Variants in POLB observed in about 807,000 individuals in gnomAD.
POLB encodes DNA polymerase beta.
In POLB, 37 loss-of-function variants were observed where a neutral mutation model predicts 52.7. That is an observed-to-expected ratio of 0.70 (90% CI 0.54 to 0.92). The LOEUF (loss-of-function observed/expected upper bound fraction) is 0.92. POLB is among the 40% of genes least tolerant of loss of function. POLB has a pLI of 0.00. For synonymous variants in POLB, 138 were observed against 131.3 expected, an observed-to-expected ratio of 1.05 and a Z score of -0.35; for missense variants, 313 against 400.8, an observed-to-expected ratio of 0.78 and a Z score of 1.87.
chr8:42,350,004 A>G lies in POLB; in HGVS notation c.262-3A>G. 6.2e-7 allele frequency: 1 copy of G among 1,600,110 alleles called. No homozygotes were observed. The highest frequency in any genetic ancestry group is 8.6e-7 in the Non-Finnish European group (1 of 1,167,870). ...CATTGTTAGACTTTTTTTTTTCTTA[A>G]AGATTCGGCAGGATGATACGAGTTC... On this transcript the variant is annotated splice_region_variant and splice_polypyrimidine_tract_variant and intron_variant, in intron 4 of 13. Transcript: ENST00000265421.
At chr8:42,359,804 T>C (rs1823563325) in intron 9 of POLB, among the ~76,000 whole-genome samples, 1 of 152,018 alleles carries the variant, frequency 6.6e-6, no homozygotes, top group African/African-American at 2.4e-5. Context: ...TTTTTTTTAA[T>C]AAAGTGAAAC....
intron 9 of POLB, 154 bp downstream of exon 9, chr8:42,357,546 G>A: frequency 2.0e-6 from 1 of 504,412 alleles, no homozygotes; most frequent in Non-Finnish European, 3.5e-6. Context: ...TTATAGATGG[G>A]AATATGTAAC....
chr8:42,349,664 A>G (rs1369303150), intron 4 of POLB, among the ~76,000 whole-genome samples: 2 of 152,230 alleles, frequency 1.3e-5, no homozygotes, highest in Non-Finnish European at 2.9e-5. Flanking sequence ...CTGGGATTAC[A>G]GGCATGAGCC....
intron 3 of POLB, 112 bp from the exon 4 acceptor site, chr8:42,348,904 C>T (rs1270757519): frequency 5.3e-6 from 3 of 563,520 alleles, no homozygotes; most frequent in Non-Finnish European, 6.3e-6. Flanking sequence ...TTATTTCAAA[C>T]CTTATCACAT....
chr8:42,355,646 A>G (rs1383788648), intron 7 of POLB, 79 bp downstream of exon 7: 2 of 811,648 alleles, frequency 2.5e-6, no homozygotes, highest in Non-Finnish European at 2.1e-6. Flanking sequence ...CACCAGAAGG[A>G]CTCTTCAAAC....
rs545055677 is a variant in POLB, at chr8:42,352,363, C to T, written c.321-156C>T. Among the ~76,000 whole-genome samples the T allele has an allele frequency of 3.9e-5, 6 of 152,304 alleles. No homozygotes were observed. The South Asian group carries it at 8.3e-4, about 21-fold the overall frequency. ...CCTAATGATTGAAGCTTCAATAATT[C>T]GTACTTCGGATACAGTTGAACATTA... On this transcript the variant is annotated intron_variant, in intron 5 of 13. Transcript: ENST00000265421.
chr8:42,343,253 C>T (rs547575019), intron 2 of POLB, among the ~76,000 whole-genome samples: 14 of 136,648 alleles, frequency 1.0e-4, no homozygotes, highest in Non-Finnish European at 1.8e-4. Flanking sequence ...ACCCGGGAGG[C>T]GGAGCTTGCA....
chr8:42,367,964 G>C (rs3136792), intron 11 of POLB, among the ~76,000 whole-genome samples: 1 of 152,176 alleles, frequency 6.6e-6, no homozygotes, highest in Admixed American at 6.5e-5. Context: ...CCGAGGAAAT[G>C]AAAGAGGTTT....
intron 7 of POLB, 40 bp from the exon 8 acceptor site, chr8:42,357,129 T>A (rs1179403496): frequency 1.3e-5 from 14 of 1,116,550 alleles, no homozygotes; most frequent in Non-Finnish European, 1.3e-6. Context: ...GAGATTTAAA[T>A]TTTACGAAAA....
intron 1 of POLB, 117 bp downstream of exon 1, chr8:42,338,802 G>C: frequency 8.9e-7 from 1 of 1,122,590 alleles, no homozygotes; most frequent in East Asian, 2.4e-5. Context: ...GCAGCGGGTC[G>C]TCTTCCGTGG....
Position 42,362,697 on chromosome 8 carries a change from T to C in POLB, c.707T>C (p.Met236Thr), listed in dbSNP as rs149882093. 6.4e-6 allele frequency: 10 copies of C among 1,572,040 alleles called. No homozygotes were observed. The East Asian group carries it at 2.0e-4, about 32-fold the overall frequency. Residue 236 changes from methionine (M) to threonine (T), a missense_variant and splice_region_variant, in exon 11 of 14, where the codon ATG becomes ACG. Met to Thr is a moderately conservative substitution (Grantham distance 81, BLOSUM62 -1). Transcript: ENST00000265421. Reference protein sequence around the residue: ...DTLSKGETKFMGVCQLPSKND... With the variant: ...DTLSKGETKFTGVCQLPSKND... ...CTGTCAAAGGGTGAGACAAAGTTCA[T>C]GGTAAGTACTTGTTAGAGTTAGCAC...
chr8:42,354,457 T>C (rs1823174744), intron 6 of POLB: 2 of 1,284,796 alleles, frequency 1.6e-6, no homozygotes. Context: ...GACACCTGAA[T>C]GGAACTGAGT....
At chr8:42,340,798 CCTTA>C (rs1368550377) in intron 2 of POLB, among the ~76,000 whole-genome samples, 1 of 152,204 alleles carries the variant, frequency 6.6e-6, no homozygotes, top group East Asian at 1.9e-4. Flanking sequence ...TCCCTCCTTT[CCTTA>C]CTTCTGTGAC....
intron 2 of POLB, chr8:42,339,373 T>A (rs539102887): frequency 2.6e-6 from 1 of 388,560 alleles, no homozygotes; most frequent in African/African-American, 2.1e-5. Flanking sequence ...GCGGATGAAG[T>A]CCATACTGTG....
chr8:42,342,582 A>G (rs1822274230), intron 2 of POLB: 2 of 718,302 alleles, frequency 2.8e-6, no homozygotes, highest in South Asian at 1.6e-5. Flanking sequence ...TTTAAGTTTC[A>G]TTTGGTATCT....
At chr8:42,350,138 G>A (rs1169636342) in intron 5 of POLB, 73 bp downstream of exon 5, 4 of 983,432 alleles carry the variant, frequency 4.1e-6, no homozygotes, top group Non-Finnish European at 6.6e-6. Flanking sequence ...TAAATTACAT[G>A]CTGTTTCTCA....
intron 10 of POLB, chr8:42,361,763 G>A (rs1823707655): frequency 6.1e-6 from 1 of 162,956 alleles, no homozygotes; most frequent in African/African-American, 2.6e-5. Context: ...CCTTTGGAAG[G>A]TGAAACAGCT....
intron 2 of POLB, chr8:42,342,481 A>G (rs879727407): frequency 4.0e-5 from 42 of 1,061,152 alleles, no homozygotes; most frequent in Non-Finnish European, 2.8e-5. Flanking sequence ...TATATGAACT[A>G]TCATCCTCTA....
At position 42,361,375 on chromosome 8, in the gene POLB, A is replaced by C; in HGVS notation, c.621+10A>C. On this transcript the variant is annotated intron_variant, in intron 10 of 13. Transcript: ENST00000265421. The stretch of plus-strand genomic sequence containing the variant: ...AGAATCAACCAAACAGGTGCCTCAG[A>C]GTTTATAATCAATGGTGATCAGTCT... 6.4e-7 allele frequency: 1 copy of C among 1,566,474 alleles called. No individual in the cohort carries two copies. Among genetic ancestry groups the C allele is most frequent in the Non-Finnish European group, 8.8e-7 (1 of 1,136,430 alleles).
Sources: gnomAD v4.1 joint callset for allele counts (sites outside exome capture counted in the v4.1 genomes callset) on GRCh38, gnomAD v4.1.1 for gene constraint, MANE v1.5 for transcripts, NCBI Gene and HGNC (gene_info 2026-07-23, HGNC 2026-07-21) for gene names.